ITCH: variants seen among roughly 807,000 people sequenced by gnomAD.
ITCH encodes E3 ubiquitin-protein ligase Itchy homolog.
ITCH carries 28 observed loss-of-function variants against 126.8 expected under a neutral mutation model. That is an observed-to-expected ratio of 0.22 (90% confidence interval 0.16 to 0.30). The LOEUF is 0.30. Ranked by LOEUF, ITCH falls within the 10% of genes least tolerant of loss-of-function variation. The pLI is 1.00. For missense variants in ITCH, 631 were observed against 1,032.4 expected (o/e 0.61, Z 5.33); for synonymous variants, 342 against 340.0 (o/e 1.01, Z -0.06).
Position 34,457,438 on chromosome 20 carries a change from C to G in ITCH, c.1259C>G (p.Thr420Arg). The change falls in exon 13 of 25, where the codon ACA becomes AGA. Residue 420 changes from threonine to arginine, a missense_variant. Thr to Arg is a moderately conservative substitution (Grantham distance 71, BLOSUM62 -1). This residue lies in a region of ITCH where 390 missense variants were observed against 731.6 expected (regional missense o/e 0.53). Coordinates refer to ENST00000374864, the MANE Select transcript of ITCH (RefSeq NM_031483.7). ...NGRVYFVNHN[T>R]RITQWEDPRS... is the part of the protein sequence containing the mutation. ...AGAGTATATTTCGTCAACCACAACACACGAATTACACAATGGGAAGACCCC... is the reference window on the plus strand; with the variant it reads ...AGAGTATATTTCGTCAACCACAACAGACGAATTACACAATGGGAAGACCCC... 6.2e-7 allele frequency: 1 copy of G among 1,613,496 alleles called. No homozygotes were observed. Among genetic ancestry groups the G allele is most frequent in the South Asian group, 1.1e-5 (1 of 91,034 alleles).
chr20:34,471,463 A>T lies in ITCH; in HGVS notation c.1517A>T (p.His506Leu). The T allele has an allele frequency of 6.2e-7, 1 of 1,605,966 alleles. No homozygotes were observed. Among genetic ancestry groups the T allele is most frequent in the Non-Finnish European group, 8.5e-7 (1 of 1,172,528 alleles). ...FWCQQLAMPQ[H>L]IKITVTRKTL... Reference sequence around the variant, plus strand: ...TTTCAGCAACTGGCCATGCCACAGCACATAAAGATTACAGTGACAAGAAAA... The same window carrying T: ...TTTCAGCAACTGGCCATGCCACAGCTCATAAAGATTACAGTGACAAGAAAA... Residue 506 changes from histidine to leucine, a missense_variant, in exon 16 of 25, where the codon CAC becomes CTC. His to Leu is a moderately conservative substitution (Grantham distance 99). This residue lies in a region of ITCH where 390 missense variants were observed against 731.6 expected (regional missense o/e 0.53). Coordinates refer to ENST00000374864, the MANE Select transcript of ITCH (RefSeq NM_031483.7).
chr20:34,445,588 GTAT>G, intron 11 of ITCH, 127 bp downstream of exon 11: 1 of 867,610 alleles, frequency 1.2e-6, no homozygotes, highest in Non-Finnish European at 1.9e-6. Flanking sequence ...CTGTTAGTAG[GTAT>G]TATTTTTAGA....
At position 34,480,664 on chromosome 20, in the gene ITCH, C is replaced by T. The variant is rs1320143021; in HGVS notation, c.1884C>T (p.Asn628=). Residue 628 remains asparagine (N), a synonymous_variant, in exon 19 of 25, where the codon AAC becomes AAT. Coordinates refer to ENST00000374864, the MANE Select transcript of ITCH (RefSeq NM_031483.7). The part of the protein sequence containing the change: ...FSLPFYKRIL[N]KPVGLKDLES... ...TACCATTCTATAAGCGTATCTTGAA[C>T]AAACCAGTTGGACTCAAGGATTTAG... 1 of 1,612,318 alleles carries T rather than the reference C, an allele frequency of 6.2e-7. No homozygotes were observed. Among genetic ancestry groups the T allele is most frequent in the Admixed American group, 1.7e-5 (1 of 60,012 alleles).
At position 34,475,912 on chromosome 20, in the gene ITCH, A is replaced by G. The variant is rs912775420; in HGVS notation, c.1570-1860A>G. On this transcript the variant is annotated intron_variant, in intron 16 of 24. Transcript: ENST00000374864. The stretch of plus-strand genomic sequence containing the variant: ...GGTAAAATTCCATGAAAATATTCCT[A>G]TTTGTTCTAGTTCAGGAGGTCTTGC... 4.6e-5 allele frequency: 53 copies of G among 1,160,380 alleles called. No homozygotes were observed. In the African/African-American group the frequency reaches 7.5e-4, roughly 16 times the overall value. The allele number at this position is 1,160,380 out of a possible 1,614,324, so 71.9% of individuals were successfully genotyped here. A position where few individuals can be genotyped will look rare whatever the true frequency, so the allele number is the denominator to read the frequency against.
At chr20:34,366,940 G>C (rs554910441) in intron 1 of ITCH, among the ~76,000 whole-genome samples, 91 of 152,244 alleles carry the variant, frequency 6.0e-4, no homozygotes, top group African/African-American at 2.0e-3. Context: ...ATGATCAAAG[G>C]ATTGGATTTA....
At chr20:34,385,219 G>T (rs1327057428) in intron 2 of ITCH, among the ~76,000 whole-genome samples, 37 of 107,270 alleles carry the variant, frequency 3.4e-4, no homozygotes, top group African/African-American at 1.5e-3. Context: ...GTGTGTGTGT[G>T]TGGTTTTTTT....
In ITCH at chr20:34,440,447, T is replaced by C. The variant is rs1270192955; in HGVS notation, c.869+103T>C. On this transcript the variant is annotated intron_variant, in intron 9 of 24. Transcript: ENST00000374864. ...TAAACAACAGTAAACTCCATTGTTT[T>C]GATGACTGTTTTTTAATTTCTTTTT... 8 of 882,968 alleles carry C rather than the reference T, an allele frequency of 9.1e-6. 1 individual carries two copies. In the South Asian group the frequency reaches 1.0e-4, roughly 11 times the overall value. The allele number at this position is 882,968 out of a possible 1,614,324, so 54.7% of individuals were successfully genotyped here. A position where few individuals can be genotyped will look rare whatever the true frequency, so the allele number is the denominator to read the frequency against.
At chr20:34,433,656 C>CAAAAA (rs1158804192) in intron 7 of ITCH, among the ~76,000 whole-genome samples, 4 of 115,428 alleles carry the variant, frequency 3.5e-5, no homozygotes, top group African/African-American at 1.3e-4. Context: ...AACAATGTCT[C>CAAAAA]AAAAAAAAAA....
intron 24 of ITCH, among the ~76,000 whole-genome samples, chr20:34,507,263 GTTTTTTTTTTT>G (rs776161631): frequency 3.1e-4 from 12 of 39,180 alleles, no homozygotes; most frequent in African/African-American, 8.7e-4. Context: ...GTTTTCTTCT[GTTTTTTTTTTT>G]TTTTTTTTTT....
chr20:34,470,171 T>TA lies in ITCH; in HGVS notation c.1497+51_1497+52insA, dbSNP rs778336619. ...ACTGCCTTAACTTTGTTGTGTTGCT[T>TA]TATATTACACAGTGATTGTGAAAAT... is the stretch of plus-strand genomic sequence containing the variant. On this transcript the variant is annotated intron_variant, in intron 15 of 24. Transcript: ENST00000374864. 13 of 1,188,612 alleles carry TA rather than the reference T, an allele frequency of 1.1e-5. No homozygotes were observed. In the South Asian group the frequency reaches 1.5e-4, roughly 14 times the overall value. 73.6% of individuals were successfully genotyped at this position (1,188,612 alleles called of 1,614,324 possible).
intron 23 of ITCH, among the ~76,000 whole-genome samples, chr20:34,503,946 A>G (rs568774782): frequency 3.4e-5 from 5 of 147,560 alleles, no homozygotes; most frequent in South Asian, 2.1e-4. Context: ...TAGTGGCGCA[A>G]TCTTGAGTCA....
At chr20:34,493,479 A>G (rs1989655416) in intron 23 of ITCH, among the ~76,000 whole-genome samples, 1 of 152,226 alleles carries the variant, frequency 6.6e-6, no homozygotes, top group African/African-American at 2.4e-5. Context: ...CATTGCAGCA[A>G]TGATGAGAAC....
rs1209751650 is a variant in ITCH at position 34,397,993 on chromosome 20, A to T, written c.70+4112A>T. Among the ~76,000 whole-genome samples, 5 of 143,122 alleles carry T rather than the reference A, an allele frequency of 3.5e-5. 1 individual carries two copies. In the Admixed American group the frequency reaches 3.5e-4, roughly 10 times the overall value. The allele number at this position is 143,122 out of a possible 152,430, so 93.9% of individuals were successfully genotyped here. A position where few individuals can be genotyped will look rare whatever the true frequency, so the allele number is the denominator to read the frequency against. ...TCTTACTTGCTATCATCGTTATTGA[A>T]TTTTTTTTTTTTTTTTACTGTGATG... On this transcript the variant is annotated intron_variant, in intron 3 of 24. Transcript: ENST00000374864.
chr20:34,394,778 G>A (rs2038614349), intron 3 of ITCH, among the ~76,000 whole-genome samples: 1 of 152,164 alleles, frequency 6.6e-6, no homozygotes, highest in African/African-American at 2.4e-5. Context: ...TAGGGGAAAG[G>A]GAGATGGGGA....
rs1201895470 is a variant in ITCH at position 34,510,773 on chromosome 20, A to G, written c.*2979A>G. 6.6e-6 allele frequency: 1 copy of G among 152,168 alleles called. No homozygotes were observed. The highest frequency in any genetic ancestry group is 2.4e-5 in the African/African-American group (1 of 41,428). The allele number at this position is 152,168 out of a possible 1,614,324, so 9.4% of individuals were successfully genotyped here. ...CGGGAGGCTGAGGTGGGAGGATCCC[A>G]GGAGTTCAAATCCTGCCTGGGCAAC... is the stretch of plus-strand genomic sequence containing the variant. On this transcript the variant is annotated 3_prime_UTR_variant, in exon 25 of 25. Coordinates refer to ENST00000374864, the MANE Select transcript of ITCH (RefSeq NM_031483.7).
chr20:34,430,614 A>C (rs898586931), intron 7 of ITCH, among the ~76,000 whole-genome samples: 1 of 152,104 alleles, frequency 6.6e-6, no homozygotes, highest in African/African-American at 2.4e-5. Flanking sequence ...CTGGGATTAC[A>C]TGCGTGCACC....
intron 1 of ITCH, among the ~76,000 whole-genome samples, chr20:34,366,451 C>CTGTG (rs1005597466): frequency 1.3e-5 from 2 of 152,012 alleles, no homozygotes; most frequent in African/African-American, 2.4e-5. Context: ...GTCTTAACTC[C>CTGTG]TGTGTTCAAG....
intron 2 of ITCH, among the ~76,000 whole-genome samples, chr20:34,374,152 C>G (rs6059792): frequency 6.6e-6 from 1 of 152,106 alleles, no homozygotes; most frequent in Admixed American, 6.6e-5. Flanking sequence ...AAATAACCAT[C>G]TGCATTTAGG....
intron 13 of ITCH, 118 bp from the exon 14 acceptor site, chr20:34,461,975 T>C: frequency 1.0e-6 from 1 of 983,846 alleles, no homozygotes; most frequent in Non-Finnish European, 1.6e-6. Context: ...ACTGAATTAC[T>C]GAACTGAATG....
Sources: allele counts gnomAD v4.1 joint callset (sites outside exome capture counted in the v4.1 genomes callset), GRCh38; gene constraint gnomAD v4.1.1; regional missense constraint gnomAD v4.1.1; transcripts MANE v1.5; gene names NCBI Gene and HGNC (gene_info 2026-07-23, HGNC 2026-07-21).